Variants in SLC19A1 observed in about 807,000 individuals in gnomAD.
SLC19A1 encodes the protein reduced folate transporter.
A neutral mutation model predicts 35.3 loss-of-function variants in SLC19A1; 37 were observed. The observed-to-expected ratio is 1.05, with a 90% CI of 0.81 to 1.38. The LOEUF is 1.38. Among genes scored for constraint, SLC19A1 ranks in the 40% most tolerant of loss-of-function variants. The pLI, the probability that SLC19A1 is intolerant of heterozygous loss-of-function variation, is 0.00. For missense variants in SLC19A1, 831 were observed against 826.9 expected, an observed-to-expected ratio of 1.00 and a Z score of -0.06; for synonymous variants, 460 against 398.5, an observed-to-expected ratio of 1.15 and a Z score of -1.84.
chr21:45,532,140 GTT>G lies in SLC19A1; in HGVS notation c.196_197del (p.Asn66ArgfsTer327). 1 of 1,596,746 alleles carries G rather than the reference GTT, an allele frequency of 6.3e-7. No individual in the cohort carries two copies. Among genetic ancestry groups the G allele is most frequent in the African/African-American group, 1.3e-5 (1 of 74,764 alleles). On this transcript the variant is annotated frameshift_variant, in exon 3 of 6. Transcript: ENST00000311124. LOFTEE classifies it high-confidence loss of function. Reference protein sequence around the residue: ...DKNFTREQVTNEITPVLSYSY... With the variant: ...DKNFTREQVTXEITPVLSYSY... ...AGTACGACAGCACCGGCGTGATCTC[GTT>G]CGTGACCTGCGGACAGGCGGGCGTG... is the stretch of plus-strand genomic sequence containing the variant.
chr21:45,509,609 C>G (rs1301558543), downstream of SLC19A1: 1 of 446,042 alleles, frequency 2.2e-6, no homozygotes, highest in South Asian at 4.7e-5. Context: ...GTGGTGAGTG[C>G]CCCCCCAAAG....
At chr21:45,526,187 G>C (rs530655270) in intron 4 of SLC19A1, among the ~76,000 whole-genome samples, 6 of 152,222 alleles carry the variant, frequency 3.9e-5, no homozygotes, top group African/African-American at 1.4e-4. Flanking sequence ...GGGAGCTGCC[G>C]TGTCCCCCTG....
chr21:45,506,126 C>G (rs2037189759), intron 3 of SLC19A1: 2 of 1,139,438 alleles, frequency 1.8e-6, no homozygotes, highest in East Asian at 2.6e-5. Flanking sequence ...TAGTAAAATA[C>G]TTTTGTGAGC....
chr21:45,507,714 ACCATCAGCC>A, downstream of SLC19A1: 1 of 928,652 alleles, frequency 1.1e-6, no homozygotes, highest in Non-Finnish European at 1.7e-6. Flanking sequence ...CATGTGGCTC[ACCATCAGCC>A]CCTGCTGCAG....
At position 45,534,589 on chromosome 21, in the gene SLC19A1, T is replaced by C; in HGVS notation, c.190-2441A>G. The C allele has an allele frequency of 3.9e-6, 6 of 1,535,702 alleles. No individual in the cohort carries two copies. Among genetic ancestry groups the C allele is most frequent in the Non-Finnish European group, 5.2e-6 (6 of 1,146,876 alleles). The stretch of plus-strand genomic sequence containing the variant: ...TTCCTCTTCCACCAGGAGCTGGCTC[T>C]GCAGGCTGGGGCCTCATCAGGCACC... On this transcript the variant is annotated intron_variant, in intron 2 of 5. Transcript: ENST00000311124. This position sits in a 1 kb window ranked among gnomAD's most constrained non-coding sequence, Gnocchi z 4.2.
chr21:45,541,918 C>G (rs1442390291), intron 1 of SLC19A1: 1 of 152,314 alleles, frequency 6.6e-6, no homozygotes, highest in African/African-American at 2.4e-5. Flanking sequence ...ACTCCCCACC[C>G]CATTCGCAGG....
chr21:45,529,784 G>A (rs889448940), intron 4 of SLC19A1, among the ~76,000 whole-genome samples: 1 of 151,516 alleles, frequency 6.6e-6, no homozygotes, highest in Non-Finnish European at 1.5e-5. Flanking sequence ...ATGTGAGTGT[G>A]GTGTATCCAT....
At chr21:45,506,113 G>A in intron 3 of SLC19A1, 1 of 1,284,064 alleles carries the variant, frequency 7.8e-7, no homozygotes, top group South Asian at 1.2e-5. Context: ...TTTTGGTAAA[G>A]TTTAGTAAAA....
chr21:45,505,490 C>T (rs1301079697), intron 3 of SLC19A1: 2 of 894,110 alleles, frequency 2.2e-6, no homozygotes, highest in Admixed American at 2.0e-5. Context: ...GGTTCTGCAG[C>T]CCCTGCCCCT....
rs1259895455 is a variant in SLC19A1, at chr21:45,530,919, C to T, written c.1002G>A (p.Trp334Ter). 1 of 1,461,562 alleles carries T rather than the reference C, an allele frequency of 6.8e-7. No individual in the cohort carries two copies. 90.5% of individuals were successfully genotyped at this position (1,461,562 alleles called of 1,614,324 possible). Residue 334 changes from tryptophan to a stop codon, truncating the protein, a stop_gained, in exon 4 of 6, where the codon TGG (tryptophan) becomes TGA (stop). Coordinates refer to ENST00000311124, the MANE Select transcript of SLC19A1 (RefSeq NM_194255.4). LOFTEE classifies it high-confidence loss of function. The surrounding 1 kb of genome is among the most constrained non-coding windows in gnomAD (Gnocchi z 5.3). ...AGFVKIRWARWSKLLIAGVTA... is the reference protein window; with the variant it reads ...AGFVKIRWAR The stretch of plus-strand genomic sequence containing the variant: ...TGACGCCCGCGATGAGCAGCTTGGA[C>T]CAGCGCGCCCAGCGGATCTTCACGA...
downstream of SLC19A1, chr21:45,511,044 CCA>C (rs199597738): frequency 6.4e-4 from 281 of 441,094 alleles, 7 homozygotes; most frequent in East Asian, 8.7e-4. Flanking sequence ...ACACACCCCC[CCA>C]CAAACACCCA....
chr21:45,505,045 G>C, intron 3 of SLC19A1: 1 of 1,518,916 alleles, frequency 6.6e-7, no homozygotes, highest in Non-Finnish European at 8.9e-7. Context: ...CTCGCCAAGG[G>C]GGTCTTGGCA....
intron 3 of SLC19A1, chr21:45,504,057 G>T (rs2037032243): frequency 2.5e-6 from 4 of 1,613,586 alleles, no homozygotes; most frequent in Non-Finnish European, 3.4e-6. Context: ...AAATGAAGGT[G>T]GGTGACCTCC....
intron 3 of SLC19A1, among the ~76,000 whole-genome samples, chr21:45,503,286 C>T (rs1602597638): frequency 1.3e-5 from 2 of 150,760 alleles, no homozygotes; most frequent in African/African-American, 2.4e-5. Flanking sequence ...GATGGTATCT[C>T]ATTGTGGTTT....
At chr21:45,538,043 G>T in intron 1 of SLC19A1, 35 bp from the exon 2 acceptor site, 1 of 1,265,064 alleles carries the variant, frequency 7.9e-7, no homozygotes, top group Non-Finnish European at 1.1e-6. Flanking sequence ...CACCTTGGAA[G>T]ATGGTCTGCA....
chr21:45,511,074 A>C (rs750117038), downstream of SLC19A1: 13 of 790,588 alleles, frequency 1.6e-5, no homozygotes, highest in African/African-American at 1.1e-4. Flanking sequence ...CCACACCCCC[A>C]CACACCACAC....
chr21:45,528,608 C>T (rs1014960479), intron 4 of SLC19A1, among the ~76,000 whole-genome samples: 1 of 152,196 alleles, frequency 6.6e-6, no homozygotes, highest in Non-Finnish European at 1.5e-5. Context: ...TTCAAAAGCA[C>T]ATACTCTCCA....
In SLC19A1 at chr21:45,515,693, G is replaced by T; in HGVS notation, c.1741C>A (p.Leu581Ile). 6.2e-7 allele frequency: 1 copy of T among 1,613,770 alleles called. No homozygotes were observed. The highest frequency in any genetic ancestry group is 1.1e-5 in the South Asian group (1 of 91,074). ...PGVSKLGLQC[L>I]PSDGVQNVNQ ...ACATTCTGAACACCGTCGCTTGGAAGACACTGCAAACCCAGCTTGCTGACA... is the reference window on the plus strand; with the variant it reads ...ACATTCTGAACACCGTCGCTTGGAATACACTGCAAACCCAGCTTGCTGACA... The change falls in exon 6 of 6, where the codon CTT becomes ATT. Residue 581 changes from leucine to isoleucine, a missense_variant. Transcript: ENST00000311124.
chr21:45,536,747 C>T (rs1339928549), intron 2 of SLC19A1, among the ~76,000 whole-genome samples: 2 of 152,200 alleles, frequency 1.3e-5, no homozygotes, highest in Admixed American at 6.5e-5. Flanking sequence ...GCATGCCGAG[C>T]GTCAGCCATG....
Sources: allele counts gnomAD v4.1 joint callset (sites outside exome capture counted in the v4.1 genomes callset), GRCh38; gene constraint gnomAD v4.1.1; non-coding constraint Gnocchi (gnomAD v3.1); transcripts MANE v1.5; gene names NCBI Gene and HGNC (gene_info 2026-07-23, HGNC 2026-07-21).